The following ZNRF1 variants were observed in gnomAD, a reference collection of about 807,000 sequenced individuals.
ZNRF1 encodes the protein zinc and ring finger 1, also known as E3 ubiquitin-protein ligase ZNRF1.
ZNRF1 carries 3 observed loss-of-function variants against 18.4 expected under a neutral mutation model. The ratio of observed to expected loss-of-function variants is 0.16; its 90% CI spans 0.07 to 0.42. The LOEUF (loss-of-function observed/expected upper bound fraction) is 0.42. Ranked by LOEUF, ZNRF1 falls within the 10% of genes least tolerant of loss-of-function variation. ZNRF1 has a pLI of 0.99. For synonymous variants in ZNRF1, 157 were observed against 144.2 expected, an observed-to-expected ratio of 1.09 and a Z score of -0.64; for missense variants, 310 against 329.8, an observed-to-expected ratio of 0.94 and a Z score of 0.47.
chr16:75,015,665 C>CT (rs2035056372), intron 1 of ZNRF1, among the ~76,000 whole-genome samples: 1 of 152,146 alleles, frequency 6.6e-6, no homozygotes, highest in African/African-American at 2.4e-5. Context: ...CTTACTGCAG[C>CT]CTGAAACTCC....
At chr16:75,057,958 A>G (rs1297562721) in intron 1 of ZNRF1, among the ~76,000 whole-genome samples, 1 of 152,152 alleles carries the variant, frequency 6.6e-6, no homozygotes, top group Non-Finnish European at 1.5e-5. Flanking sequence ...TGCTGTTTAT[A>G]CATGGTGGGC....
Position 75,039,754 on chromosome 16 carries a change from C to A in ZNRF1, c.424+39659C>A, listed in dbSNP as rs1026286381. ...CTGTCAACAGGTGTTCCAGGTGATTCTTACGTGTGCTGTTGTTGAAGAAGC... is the reference window on the plus strand; with the variant it reads ...CTGTCAACAGGTGTTCCAGGTGATTATTACGTGTGCTGTTGTTGAAGAAGC... On this transcript the variant is annotated intron_variant, in intron 1 of 4. Coordinates refer to ENST00000335325, the MANE Select transcript of ZNRF1 (RefSeq NM_032268.5). Among the ~76,000 whole-genome samples, 11 of 152,314 alleles carry A rather than the reference C, an allele frequency of 7.2e-5. No homozygotes were observed. In the East Asian group the frequency reaches 2.1e-3, roughly 29 times the overall value.
intron 2 of ZNRF1, among the ~76,000 whole-genome samples, chr16:75,102,743 C>G (rs1469164211): frequency 2.6e-5 from 4 of 152,216 alleles, no homozygotes; most frequent in African/African-American, 9.7e-5. Flanking sequence ...CAGCAGCCTC[C>G]TGGAGGTCTC....
intron 1 of ZNRF1, among the ~76,000 whole-genome samples, chr16:75,087,883 G>GCGCT (rs1389700829): frequency 6.6e-6 from 1 of 152,210 alleles, no homozygotes; most frequent in African/African-American, 2.4e-5. Context: ...AGCCGCTGGG[G>GCGCT]CGCTGGCTGG....
intron 1 of ZNRF1, among the ~76,000 whole-genome samples, chr16:75,078,190 GGAGAAGTCAGCACTTGAATGCT>G (rs879501042): frequency 3.9e-5 from 6 of 151,994 alleles, no homozygotes; most frequent in Non-Finnish European, 5.9e-5. Context: ...ACTTGTGCGT[GGAGAAGTCAGCACTTGAATGCT>G]GTAGCTCTGA....
At chr16:75,043,628 T>C (rs1182039679) in intron 1 of ZNRF1, among the ~76,000 whole-genome samples, 1 of 152,000 alleles carries the variant, frequency 6.6e-6, no homozygotes, top group African/African-American at 2.4e-5. Flanking sequence ...CTTGCCCTCA[T>C]AGAGCTCACA....
At chr16:75,049,570 G>A (rs1461631109) in intron 1 of ZNRF1, among the ~76,000 whole-genome samples, 2 of 152,128 alleles carry the variant, frequency 1.3e-5, no homozygotes, top group Non-Finnish European at 2.9e-5. Flanking sequence ...GCTGAGATGG[G>A]CAGATCACTT....
At chr16:75,104,742 T>C (rs1567497121) in intron 2 of ZNRF1, 42 bp from the exon 3 acceptor site, 2 of 1,543,438 alleles carry the variant, frequency 1.3e-6, no homozygotes, top group Non-Finnish European at 1.8e-6. Flanking sequence ...ACCTGTCCAC[T>C]GGTGACTAAC....
chr16:75,031,680 G>T (rs1214379819), intron 1 of ZNRF1, among the ~76,000 whole-genome samples: 1 of 151,722 alleles, frequency 6.6e-6, no homozygotes, highest in African/African-American at 2.4e-5. Context: ...CTAATTTTTT[G>T]TATTTTCCAT....
chr16:75,007,480 G>GAAT (rs2034937814), intron 1 of ZNRF1, among the ~76,000 whole-genome samples: 2 of 152,286 alleles, frequency 1.3e-5, no homozygotes, highest in South Asian at 4.1e-4. Flanking sequence ...AAGGAGGAAG[G>GAAT]AATAATTCAC....
At chr16:75,015,433 G>C (rs2035053259) in intron 1 of ZNRF1, among the ~76,000 whole-genome samples, 1 of 152,132 alleles carries the variant, frequency 6.6e-6, no homozygotes, top group East Asian at 1.9e-4. Context: ...AAATGAGCTG[G>C]GCGTGGTGGC....
Position 75,104,263 on chromosome 16 carries a change from G to A in ZNRF1, c.521-521G>A, listed in dbSNP as rs149348174. 1.9e-3 allele frequency: 287 copies of A among 152,738 alleles called. 2 individuals carry two copies. The highest frequency in any genetic ancestry group is 0.014 in the Middle Eastern group (4 of 294). 9.5% of individuals were successfully genotyped at this position (152,738 alleles called of 1,614,324 possible). On this transcript the variant is annotated intron_variant, in intron 2 of 4. Coordinates refer to ENST00000335325, the MANE Select transcript of ZNRF1 (RefSeq NM_032268.5). The stretch of plus-strand genomic sequence containing the variant: ...TCATCTTTTGTTTATCCGTTGCGCA[G>A]TTTGTAGACACTGGGTTGTTTCCAC...
At chr16:75,096,568 G>A (rs140020542) in intron 2 of ZNRF1, among the ~76,000 whole-genome samples, 4 of 152,218 alleles carry the variant, frequency 2.6e-5, no homozygotes, top group East Asian at 1.9e-4. Flanking sequence ...GGGGCGAGGC[G>A]GGGCTTTCTT....
intron 1 of ZNRF1, among the ~76,000 whole-genome samples, chr16:75,021,620 G>T (rs4887801): frequency 0.88 from 133,614 of 152,202 alleles, 59,077 homozygotes; most frequent in Non-Finnish European, 0.93. Flanking sequence ...TGGGTTGGCA[G>T]TTACTGTTTC....
At chr16:75,094,936 G>A (rs1346742643) in intron 2 of ZNRF1, among the ~76,000 whole-genome samples, 1 of 152,168 alleles carries the variant, frequency 6.6e-6, no homozygotes, top group South Asian at 2.1e-4. Flanking sequence ...GAGCATCTGA[G>A]GACTGGATCA....
In ZNRF1 at chr16:75,110,460, T is replaced by C. The variant is rs937759834; in HGVS notation, c.*2760T>C. On this transcript the variant is annotated 3_prime_UTR_variant, in exon 5 of 5. Coordinates refer to ENST00000335325, the MANE Select transcript of ZNRF1 (RefSeq NM_032268.5). The stretch of plus-strand genomic sequence containing the variant: ...AGACCAACCATTCCTCTAATAGCCA[T>C]TTAACGGTACTGCAGTTCATGGGAA... The C allele has an allele frequency of 6.6e-6, 1 of 152,232 alleles. No homozygotes were observed. Among genetic ancestry groups the C allele is most frequent in the African/African-American group, 2.4e-5 (1 of 41,454 alleles). The allele number at this position is 152,232 out of a possible 1,614,324, so 9.4% of individuals were successfully genotyped here.
chr16:75,080,252 A>G (rs2035993518), intron 1 of ZNRF1, among the ~76,000 whole-genome samples: 1 of 152,222 alleles, frequency 6.6e-6, no homozygotes, highest in African/African-American at 2.4e-5. Context: ...ACAGCAGCAC[A>G]CATTCTGCAT....
rs2036370528 is a variant in ZNRF1, at chr16:75,110,549, A to G, written c.*2849A>G. On this transcript the variant is annotated 3_prime_UTR_variant, in exon 5 of 5. Coordinates refer to ENST00000335325, the MANE Select transcript of ZNRF1 (RefSeq NM_032268.5). ...AGGTGAATGCCTTCAAGAAATGTGT[A>G]ATTTAATTCCAAATAGTTCCCCCCA... 1 of 152,234 alleles carries G rather than the reference A, an allele frequency of 6.6e-6. No homozygotes were observed. The highest frequency in any genetic ancestry group is 1.5e-5 in the Non-Finnish European group (1 of 68,052). 9.4% of individuals were successfully genotyped at this position (152,234 alleles called of 1,614,324 possible).
In ZNRF1 at chr16:75,094,459, G is replaced by A. The variant is rs533287584; in HGVS notation, c.520+792G>A. On this transcript the variant is annotated intron_variant, in intron 2 of 4. Transcript: ENST00000335325. ...AGGCTTTGGAGTCCAGGTGATGGGA[G>A]TTCAAATCTCCCTCTACCACTCTGT... 5.3e-5 allele frequency among the ~76,000 whole-genome samples: 8 copies of A among 152,326 alleles called. No homozygotes were observed. The South Asian group carries it at 1.4e-3, about 28-fold the overall frequency.
Sources: gnomAD v4.1 joint callset for allele counts (sites outside exome capture counted in the v4.1 genomes callset) on GRCh38, gnomAD v4.1.1 for gene constraint, MANE v1.5 for transcripts, NCBI Gene and HGNC (gene_info 2026-07-23, HGNC 2026-07-21) for gene names.